Variants in IRAG2 observed in about 807,000 individuals in gnomAD.
IRAG2 encodes inositol 1,4,5-triphosphate receptor associated 2.
In IRAG2, 45 loss-of-function variants were observed where a neutral mutation model predicts 69.9. The ratio of observed to expected loss-of-function variants is 0.64; its 90% CI spans 0.51 to 0.83. The LOEUF is 0.83. Among genes scored for constraint, IRAG2 ranks in the 40% least tolerant of loss-of-function variants. The pLI, the probability that IRAG2 is intolerant of heterozygous loss-of-function variation, is 0.00. For missense variants in IRAG2, 520 were observed against 587.0 expected, an observed-to-expected ratio of 0.89 and a Z score of 1.18; for synonymous variants, 193 against 202.4, an observed-to-expected ratio of 0.95 and a Z score of 0.40.
chr12:25,022,098 T>A lies in IRAG2; in HGVS notation c.1332+1191T>A, dbSNP rs374976984. The stretch of plus-strand genomic sequence containing the variant: ...GTCACTCTAAGCCCGTGGGTCCTCC[T>A]AGATAAAATGGAGATAACAATACTA... On this transcript the variant is annotated intron_variant, in intron 7 of 38. Coordinates refer to the IRAG2 transcript ENST00000636465. Among the ~76,000 whole-genome samples, 3 of 152,184 alleles carry A rather than the reference T, an allele frequency of 2.0e-5. No homozygotes were observed. In the East Asian group the frequency reaches 5.8e-4, roughly 29 times the overall value.
At chr12:25,093,659 T>C (rs1369510441) in intron 14 of IRAG2, 2 of 153,804 alleles carry the variant, frequency 1.3e-5, no homozygotes, top group Admixed American at 6.5e-5. Flanking sequence ...GAATTCTTCA[T>C]TGGCATACAT....
chr12:25,035,498 C>G (rs1459938672), intron 13 of IRAG2: 1 of 394,890 alleles, frequency 2.5e-6, no homozygotes, highest in East Asian at 3.6e-5. Flanking sequence ...AAAATATCAA[C>G]AGCTTTTTTA....
rs1565563241 is a variant in IRAG2 at position 25,077,317 on chromosome 12, GATATATATATGAT to G, written c.25-1918_25-1906del. 5.8e-5 allele frequency among the ~76,000 whole-genome samples: 2 copies of G among 34,366 alleles called. 1 individual carries two copies. The highest frequency in any genetic ancestry group is 1.1e-4 in the Non-Finnish European group (2 of 17,400). The allele number at this position is 34,366 out of a possible 152,430, so 22.5% of individuals were successfully genotyped here. A position where few individuals can be genotyped will look rare whatever the true frequency, so the allele number is the denominator to read the frequency against. On this transcript the variant is annotated intron_variant, in intron 6 of 21. Coordinates refer to ENST00000556887, the MANE Select transcript of IRAG2 (RefSeq NM_001366544.2). ...TATATGAAATATATATGATATATAT[GATATATATATGAT>G]ATATATATGAAATATATATATGATA... is the stretch of plus-strand genomic sequence containing the variant.
At chr12:25,092,608 ATAG>A (rs931854766) in intron 14 of IRAG2, 2 of 149,316 alleles carry the variant, frequency 1.3e-5, no homozygotes, top group African/African-American at 4.9e-5. Context: ...AGAAGGTAAC[ATAG>A]TAGCATAAGA....
chr12:25,030,274 T>G (rs1591931156), intron 9 of IRAG2: 1 of 1,231,710 alleles, frequency 8.1e-7, no homozygotes, highest in East Asian at 3.2e-5. Context: ...TCGTCTCTTT[T>G]CAGATGCAGT....
At chr12:25,094,902 AT>A (rs901322591) in intron 14 of IRAG2, among the ~76,000 whole-genome samples, 1 of 152,050 alleles carries the variant, frequency 6.6e-6, no homozygotes, top group African/African-American at 2.4e-5. Context: ...AAGACAACTA[AT>A]TTTTTGTGTT....
chr12:25,029,003 T>C (rs1044246420), intron 9 of IRAG2, among the ~76,000 whole-genome samples: 4 of 152,248 alleles, frequency 2.6e-5, no homozygotes, highest in African/African-American at 9.6e-5. Flanking sequence ...GTTCAAGTGA[T>C]CTTCCCATCA....
intron 9 of IRAG2, among the ~76,000 whole-genome samples, chr12:25,027,382 C>T (rs1944630707): frequency 6.8e-6 from 1 of 147,396 alleles, no homozygotes; most frequent in Non-Finnish European, 1.5e-5. Flanking sequence ...GCATGTATTA[C>T]TACCTCTTTT....
At chr12:25,012,116 G>A (rs1944479581) in intron 3 of IRAG2, among the ~76,000 whole-genome samples, 2 of 140,972 alleles carry the variant, frequency 1.4e-5, no homozygotes, top group South Asian at 4.7e-4. Flanking sequence ...CTGGAGATGT[G>A]TGTCTTCTTC....
chr12:25,066,612 A>G, intron 5 of IRAG2, 100 bp downstream of exon 5: 1 of 397,678 alleles, frequency 2.5e-6, no homozygotes, highest in Non-Finnish European at 4.4e-6. Context: ...GTGAGATCAC[A>G]TCTTTATTGT....
At chr12:25,102,527 T>C in intron 17 of IRAG2, 1 of 387,228 alleles carries the variant, frequency 2.6e-6, no homozygotes, top group East Asian at 5.4e-5. Context: ...CTTCACAAGA[T>C]CCTGAGGGAT....
chr12:25,032,420 C>T (rs1380078397), intron 12 of IRAG2: 1 of 398,810 alleles, frequency 2.5e-6, no homozygotes, highest in Non-Finnish European at 4.4e-6. Flanking sequence ...CTCTACCCTA[C>T]ATTATTGGCC....
Position 25,018,476 on chromosome 12 carries a change from G to A in IRAG2, c.1214+1184G>A, listed in dbSNP as rs146218740. ...TCACCTCATCCTCCCAAAGTGCTGG[G>A]ATTACAGGAGGGGGAGCCACTGTGC... On this transcript the variant is annotated intron_variant, in intron 6 of 38. Coordinates refer to the IRAG2 transcript ENST00000636465. Among the ~76,000 whole-genome samples, 25 of 152,176 alleles carry A rather than the reference G, an allele frequency of 1.6e-4. No homozygotes were observed. In the East Asian group the frequency reaches 4.4e-3, roughly 27 times the overall value.
chr12:25,101,906 T>C (rs1244628861), intron 16 of IRAG2: 1 of 604,950 alleles, frequency 1.7e-6, no homozygotes, highest in African/African-American at 1.8e-5. Context: ...TTGATACTCT[T>C]CTGAACTGTA....
chr12:25,093,749 G>A, intron 14 of IRAG2: 1 of 155,936 alleles, frequency 6.4e-6, no homozygotes, highest in Non-Finnish European at 1.5e-5. Flanking sequence ...GCCAATTCTT[G>A]AGACGGCAGA....
At chr12:25,074,897 TATCTC>T (rs1253794579) in intron 6 of IRAG2, among the ~76,000 whole-genome samples, 4 of 152,226 alleles carry the variant, frequency 2.6e-5, no homozygotes, top group African/African-American at 4.8e-5. Context: ...AATTTAAAAA[TATCTC>T]AGAAGATTTT....
At position 25,026,807 on chromosome 12, in the gene IRAG2, GATATAGAC is replaced by G; in HGVS notation, c.1404_1411del (p.Asp468GlufsTer7). On this transcript the variant is annotated frameshift_variant, in exon 9 of 39. Coordinates refer to the IRAG2 transcript ENST00000636465. LOFTEE classifies it high-confidence loss of function. The stretch of plus-strand genomic sequence containing the variant: ...ACATTAGAATTTCAAGAACATCATG[GATATAGAC>G]AGACTGGAAAAGAAGATTGAAGACT... 8.1e-7 allele frequency: 1 copy of G among 1,227,072 alleles called. No individual in the cohort carries two copies. The highest frequency in any genetic ancestry group is 1.0e-6 in the Non-Finnish European group (1 of 983,464). The allele number at this position is 1,227,072 out of a possible 1,614,324, so 76.0% of individuals were successfully genotyped here. A position where few individuals can be genotyped will look rare whatever the true frequency, so the allele number is the denominator to read the frequency against.
chr12:25,080,023 G>A (rs1434576714), intron 9 of IRAG2, among the ~76,000 whole-genome samples: 1 of 151,964 alleles, frequency 6.6e-6, no homozygotes, highest in African/African-American at 2.4e-5. Flanking sequence ...TATTGTAATG[G>A]GACAAATATT....
intron 9 of IRAG2, among the ~76,000 whole-genome samples, chr12:25,081,026 A>C (rs547288001): frequency 6.6e-6 from 1 of 152,350 alleles, no homozygotes; most frequent in South Asian, 2.1e-4. Context: ...TATACACACT[A>C]TGTTTTTGGC....
Sources: gnomAD v4.1 joint callset for allele counts (sites outside exome capture counted in the v4.1 genomes callset) on GRCh38, gnomAD v4.1.1 for gene constraint, MANE v1.5 for transcripts, NCBI Gene and HGNC (gene_info 2026-07-23, HGNC 2026-07-21) for gene names.